The following SLC26A5 variants were observed in gnomAD, a reference collection of about 807,000 sequenced individuals.
The protein encoded by SLC26A5 is solute carrier family 26 member 5, also known as prestin.
A neutral mutation model predicts 81.0 loss-of-function variants in SLC26A5; 51 were observed. The observed-to-expected ratio is 0.63, with a 90% CI of 0.50 to 0.80. The LOEUF is 0.80. Ranked by LOEUF, SLC26A5 falls within the 30% of genes least tolerant of loss-of-function variation. The pLI, the probability that SLC26A5 is intolerant of heterozygous loss-of-function variation, is 0.00. For missense variants in SLC26A5, 771 were observed against 905.8 expected (o/e 0.85, Z 1.91); for synonymous variants, 325 against 332.8 (o/e 0.98, Z 0.25).
At chr7:103,419,783 C>A (rs1393811230) in intron 4 of SLC26A5, among the ~76,000 whole-genome samples, 1 of 152,078 alleles carries the variant, frequency 6.6e-6, no homozygotes, top group African/African-American at 2.4e-5. Flanking sequence ...GGTGATCCAC[C>A]CACCTCAGCC....
chr7:103,365,636 T>C (rs1820676376), intron 19 of SLC26A5, among the ~76,000 whole-genome samples: 1 of 149,802 alleles, frequency 6.7e-6, no homozygotes, highest in Admixed American at 6.6e-5. Flanking sequence ...TCTCAAAAAA[T>C]AAAATTAAAA....
At chr7:103,393,662 C>T (rs1231081927) in intron 9 of SLC26A5, among the ~76,000 whole-genome samples, 2 of 151,874 alleles carry the variant, frequency 1.3e-5, no homozygotes, top group African/African-American at 4.8e-5. Flanking sequence ...CCTTGGGTGT[C>T]ACCTGGGAAT....
intron 2 of SLC26A5, among the ~76,000 whole-genome samples, chr7:103,439,991 C>A (rs921318742): frequency 6.6e-6 from 1 of 152,214 alleles, no homozygotes; most frequent in Non-Finnish European, 1.5e-5. Flanking sequence ...TTTCTGACCA[C>A]CTTCTTTCAA....
intron 19 of SLC26A5, among the ~76,000 whole-genome samples, chr7:103,360,774 C>T (rs1424487033): frequency 6.6e-6 from 1 of 152,142 alleles, no homozygotes. Context: ...ATTATAAATT[C>T]ATTTTTACCA....
In SLC26A5 at chr7:103,367,391, ATCT is replaced by A; in HGVS notation, c.2041+9414_2041+9416del. 6.2e-7 allele frequency: 1 copy of A among 1,611,882 alleles called. No homozygotes were observed. The highest frequency in any genetic ancestry group is 8.5e-7 in the Non-Finnish European group (1 of 1,179,230). On this transcript the variant is annotated intron_variant, in intron 19 of 19. Coordinates refer to the SLC26A5 transcript ENST00000339444. The surrounding 1 kb of genome is among the most constrained non-coding windows in gnomAD (Gnocchi z 6.1). ...ACTCTTGAGTGGACTTGAAGAGCTT[ATCT>A]TTCCTTTTGTCTTCTCAGGGGCTCG...
In SLC26A5 at chr7:103,367,853, AG is replaced by A. The variant is rs1445599659; in HGVS notation, c.2041+8954del. 2 of 1,612,828 alleles carry A rather than the reference AG, an allele frequency of 1.2e-6. No individual in the cohort carries two copies. The highest frequency in any genetic ancestry group is 1.7e-6 in the Non-Finnish European group (2 of 1,179,446). On this transcript the variant is annotated intron_variant, in intron 19 of 19. Transcript: ENST00000339444. This position sits in a 1 kb window ranked among gnomAD's most constrained non-coding sequence, Gnocchi z 6.1. Reference sequence around the variant, plus strand: ...CTTATATTTGCTGGTCTGTCTGCTCAGGCTGCTTTAATTAAGCCCGTTTATT... The same window carrying A: ...CTTATATTTGCTGGTCTGTCTGCTCAGCTGCTTTAATTAAGCCCGTTTATT...
At chr7:103,361,182 A>G (rs1301227494) in intron 19 of SLC26A5, among the ~76,000 whole-genome samples, 1 of 151,396 alleles carries the variant, frequency 6.6e-6, no homozygotes, top group African/African-American at 2.4e-5. Context: ...AGTAGCAAAA[A>G]CAATAAAAAT....
chr7:103,362,839 G>T, intron 19 of SLC26A5: 2 of 1,120,640 alleles, frequency 1.8e-6, no homozygotes, highest in Admixed American at 2.0e-5. Flanking sequence ...TCTTGTCCAG[G>T]CTGGAGTAGA....
chr7:103,379,398 C>A lies in SLC26A5; in HGVS notation c.1585-63G>T, dbSNP rs1373908431. The A allele has an allele frequency of 3.8e-6, 4 of 1,047,490 alleles. No homozygotes were observed. The South Asian group carries it at 5.3e-5, about 14-fold the overall frequency. The allele number at this position is 1,047,490 out of a possible 1,614,324, so 64.9% of individuals were successfully genotyped here. A position where few individuals can be genotyped will look rare whatever the true frequency, so the allele number is the denominator to read the frequency against. On this transcript the variant is annotated intron_variant, in intron 15 of 19. Coordinates refer to ENST00000306312, the MANE Select transcript of SLC26A5 (RefSeq NM_198999.3). The stretch of plus-strand genomic sequence containing the variant: ...ATATTTCAGAATCAAAACTGCATAG[C>A]TTCCCCACCCCAAATAGAAAATGAA...
chr7:103,379,258 A>G lies in SLC26A5; in HGVS notation c.1662T>C (p.Asn554=), dbSNP rs753374893. ...CATGACTCACCTTTCGTTTTAATGC[A>G]TTGCTATACAAGTCGCTATTTGCAT... The part of the protein sequence containing the change: ...IYYANSDLYS[N]ALKRKTGVNP... The change falls in exon 16 of 20, where the codon AAT becomes AAC. Residue 554 remains asparagine (N), a synonymous_variant. Transcript: ENST00000306312. 1.3e-5 allele frequency: 21 copies of G among 1,609,728 alleles called. No individual in the cohort carries two copies. The South Asian group carries it at 2.1e-4, about 16-fold the overall frequency.
chr7:103,398,916 C>A (rs985184638), intron 8 of SLC26A5, among the ~76,000 whole-genome samples: 2 of 151,992 alleles, frequency 1.3e-5, no homozygotes, highest in Non-Finnish European at 1.5e-5. Flanking sequence ...TTTTCATCAC[C>A]CTTAATTGCA....
At chr7:103,404,976 CTATT>C (rs1823913612) in intron 8 of SLC26A5, among the ~76,000 whole-genome samples, 1 of 151,648 alleles carries the variant, frequency 6.6e-6, no homozygotes, top group Non-Finnish European at 1.5e-5. Context: ...TTTGATTTGA[CTATT>C]TATACTTGTG....
At chr7:103,436,244 A>C (rs2108265) in intron 2 of SLC26A5, among the ~76,000 whole-genome samples, 59,036 of 151,946 alleles carry the variant, frequency 0.39, 15,563 homozygotes, top group African/African-American at 0.74. Flanking sequence ...AAGAAGTCTG[A>C]AAATTCAGGA....
chr7:103,434,715 G>A (rs936261373), intron 2 of SLC26A5, among the ~76,000 whole-genome samples: 12 of 152,130 alleles, frequency 7.9e-5, no homozygotes, highest in African/African-American at 2.7e-4. Context: ...GCAGTGGCGC[G>A]ACCTCAGCTC....
intron 19 of SLC26A5, among the ~76,000 whole-genome samples, chr7:103,359,727 A>G (rs1820265981): frequency 6.6e-6 from 1 of 152,182 alleles, no homozygotes; most frequent in African/African-American, 2.4e-5. Flanking sequence ...CATCATTCCT[A>G]TAAACTCTTT....
Position 103,377,728 on chromosome 7 carries a change from T to C in SLC26A5, c.1857A>G (p.Ile619Met). ...CCTCAGGAAATGTGCTTTTGATCAC[T>C]ATTGGGGGATATTTTACTTCACCAT... ...EEDGEVKYPP[I>M]VIKSTFPEEM... is the part of the protein sequence containing the mutation. Residue 619 changes from isoleucine to methionine, a missense_variant, in exon 18 of 20, where the codon ATA (isoleucine) becomes ATG (methionine). By Grantham distance (10) the Ile-to-Met change is conservative. Transcript: ENST00000306312. 6.2e-7 allele frequency: 1 copy of C among 1,614,112 alleles called. No homozygotes were observed. Among genetic ancestry groups the C allele is most frequent in the Non-Finnish European group, 8.5e-7 (1 of 1,180,004 alleles).
chr7:103,393,059 G>A lies in SLC26A5; in HGVS notation c.979C>T (p.Pro327Ser), dbSNP rs774341468. Residue 327 changes from proline to serine, a missense_variant, in exon 10 of 20, where the codon CCT becomes TCT. Transcript: ENST00000306312. ...VVGTLPLGLL[P>S]PANPDTSLFH... ...AGGCTGGTGTCCGGATTGGCTGGAG[G>A]TAGCAGCCTGAAAAGTCAAGCTGCC... 7.4e-6 allele frequency: 12 copies of A among 1,613,818 alleles called. No individual in the cohort carries two copies. Among genetic ancestry groups the A allele is most frequent in the Non-Finnish European group, 1.0e-5 (12 of 1,179,854 alleles).
chr7:103,372,892 A>AC (rs1451922872), downstream of SLC26A5, among the ~76,000 whole-genome samples: 5 of 151,834 alleles, frequency 3.3e-5, no homozygotes, highest in Admixed American at 6.6e-5. Flanking sequence ...AAAAAAAAAA[A>AC]AACACTAATT....
At position 103,374,254 on chromosome 7, in the gene SLC26A5, T is replaced by C; in HGVS notation, c.*145A>G. The C allele has an allele frequency of 4.8e-6, 7 of 1,471,292 alleles. No individual in the cohort carries two copies. The highest frequency in any genetic ancestry group is 6.3e-6 in the Non-Finnish European group (7 of 1,116,290). The allele number at this position is 1,471,292 out of a possible 1,614,324, so 91.1% of individuals were successfully genotyped here. ...AAAAAAACACAAGTACAATACATCT[T>C]GCTAGGCGTCATTCACCCTCCAAAT... On this transcript the variant is annotated 3_prime_UTR_variant, in exon 20 of 20. Transcript: ENST00000306312.
Sources: gnomAD v4.1 joint callset for allele counts (sites outside exome capture counted in the v4.1 genomes callset) on GRCh38, gnomAD v4.1.1 for gene constraint, Gnocchi (gnomAD v3.1) non-coding constraint, MANE v1.5 for transcripts, NCBI Gene and HGNC (gene_info 2026-07-23, HGNC 2026-07-21) for gene names.